FAM53B: variants seen among roughly 807,000 people sequenced by gnomAD.
FAM53B encodes the protein family with sequence similarity 53 member B.
Under a neutral mutation model 32.7 loss-of-function variants are expected in FAM53B, and 12 were observed. That is an observed-to-expected ratio of 0.37 (90% CI 0.24 to 0.59). The LOEUF (loss-of-function observed/expected upper bound fraction) is 0.59. FAM53B is among the 20% of genes least tolerant of loss of function. FAM53B has a pLI of 0.72. For synonymous variants in FAM53B, 234 were observed against 228.7 expected (o/e 1.02, Z -0.21); for missense variants, 477 against 577.7 (o/e 0.83, Z 1.79).
intron 4 of FAM53B, among the ~76,000 whole-genome samples, chr10:124,665,406 C>T (rs1333033283): frequency 6.6e-6 from 1 of 152,238 alleles, no homozygotes; most frequent in African/African-American, 2.4e-5. Flanking sequence ...GTCTCCTCTC[C>T]ACTCCAACTG....
intron 4 of FAM53B, among the ~76,000 whole-genome samples, chr10:124,624,779 G>A (rs1352205309): frequency 7.2e-6 from 1 of 139,216 alleles, no homozygotes; most frequent in Non-Finnish European, 1.7e-5. Flanking sequence ...TCCCAGGGCA[G>A]AGCACAAAAT....
At chr10:124,652,927 G>A (rs1479977689) in intron 4 of FAM53B, among the ~76,000 whole-genome samples, 5 of 152,284 alleles carry the variant, frequency 3.3e-5, no homozygotes, top group South Asian at 2.1e-4. Context: ...GTGTGTGCTC[G>A]ACCAATCAAA....
intron 4 of FAM53B, among the ~76,000 whole-genome samples, chr10:124,629,489 C>CT (rs1949377339): frequency 6.6e-6 from 1 of 152,180 alleles, no homozygotes; most frequent in South Asian, 2.1e-4. Context: ...GGGCCATCAA[C>CT]AAGCCCAACT....
At chr10:124,710,503 G>A (rs189927610) in intron 1 of FAM53B, among the ~76,000 whole-genome samples, 54 of 152,378 alleles carry the variant, frequency 3.5e-4, no homozygotes, top group Admixed American at 3.4e-3. Flanking sequence ...CAACTTCACT[G>A]GGGAATGCCA....
chr10:124,681,466 G>T, intron 4 of FAM53B, 141 bp downstream of exon 4: 1 of 718,270 alleles, frequency 1.4e-6, no homozygotes, highest in South Asian at 2.2e-5. Flanking sequence ...ATCTTTCTTT[G>T]AATAGGATTT....
chr10:124,709,724 T>C (rs1949987149), intron 1 of FAM53B, among the ~76,000 whole-genome samples: 1 of 151,948 alleles, frequency 6.6e-6, no homozygotes, highest in African/African-American at 2.4e-5. Flanking sequence ...AATATTTTAA[T>C]GAGCCAGTTC....
chr10:124,626,967 G>A (rs1314096852), intron 4 of FAM53B, among the ~76,000 whole-genome samples: 1 of 152,216 alleles, frequency 6.6e-6, no homozygotes, highest in Non-Finnish European at 1.5e-5. Context: ...TACAAGGAAG[G>A]GCTGGTGAAT....
At chr10:124,659,971 T>A (rs565748092) in intron 4 of FAM53B, among the ~76,000 whole-genome samples, 1 of 152,242 alleles carries the variant, frequency 6.6e-6, no homozygotes, top group Non-Finnish European at 1.5e-5. Flanking sequence ...CATGCCCAGC[T>A]AATTTTTGTA....
chr10:124,715,958 G>A lies in FAM53B; in HGVS notation c.-174-9071C>T, dbSNP rs148431847. On this transcript the variant is annotated intron_variant, in intron 1 of 4. Coordinates refer to ENST00000337318, the MANE Select transcript of FAM53B (RefSeq NM_014661.4). ...CTCATAAATTGGATAAAAGCATCTC[G>A]TCTTCACAGCTACAGCATTAGCTTC... 3.5e-3 allele frequency among the ~76,000 whole-genome samples: 532 copies of A among 152,324 alleles called. 1 individual carries two copies. Among genetic ancestry groups the A allele is most frequent in the African/African-American group, 0.012 (512 of 41,552 alleles).
intron 1 of FAM53B, among the ~76,000 whole-genome samples, chr10:124,743,559 CA>C (rs1394996901): frequency 6.6e-6 from 1 of 152,208 alleles, no homozygotes; most frequent in Non-Finnish European, 1.5e-5. Flanking sequence ...GAGTTGTCTG[CA>C]AACGATGCGG....
intron 2 of FAM53B, among the ~76,000 whole-genome samples, chr10:124,699,613 G>A (rs1233344891): frequency 6.6e-6 from 1 of 152,270 alleles, no homozygotes; most frequent in African/African-American, 2.4e-5. Flanking sequence ...GCGCAGCCCA[G>A]TGGTGCGGCC....
intron 3 of FAM53B, among the ~76,000 whole-genome samples, chr10:124,688,931 T>C (rs574671136): frequency 6.6e-6 from 1 of 152,356 alleles, no homozygotes; most frequent in African/African-American, 2.4e-5. Context: ...ATGTTTTCGA[T>C]GGTGCCTTAT....
At chr10:124,695,614 T>C (rs561506123) in intron 3 of FAM53B, among the ~76,000 whole-genome samples, 1 of 152,186 alleles carries the variant, frequency 6.6e-6, no homozygotes, top group Non-Finnish European at 1.5e-5. Flanking sequence ...TAGATGTAGT[T>C]ACATCACTAA....
chr10:124,707,285 C>G (rs903050435), intron 1 of FAM53B, among the ~76,000 whole-genome samples: 13 of 152,152 alleles, frequency 8.5e-5, no homozygotes, highest in Non-Finnish European at 5.9e-5. Flanking sequence ...TAAAGTAGGC[C>G]AAGGGTCAGA....
At chr10:124,630,979 C>T (rs1949387293) in intron 4 of FAM53B, among the ~76,000 whole-genome samples, 1 of 152,198 alleles carries the variant, frequency 6.6e-6, no homozygotes, top group African/African-American at 2.4e-5. Flanking sequence ...TATCTTGCCC[C>T]AAATCTGACA....
At chr10:124,743,328 C>T (rs1950211134) in intron 1 of FAM53B, among the ~76,000 whole-genome samples, 1 of 152,238 alleles carries the variant, frequency 6.6e-6, no homozygotes, top group Admixed American at 6.5e-5. Context: ...GACCAGTGTG[C>T]CTGTGCCGGA....
intron 4 of FAM53B, among the ~76,000 whole-genome samples, chr10:124,636,553 T>C (rs1326036252): frequency 6.6e-6 from 1 of 152,146 alleles, no homozygotes; most frequent in Non-Finnish European, 1.5e-5. Context: ...AGGAAAACAC[T>C]GTTTTGCTGT....
rs533521687 is a variant in FAM53B at position 124,646,387 on chromosome 10, T to C, written c.907-22783A>G. On this transcript the variant is annotated intron_variant, in intron 4 of 4. Coordinates refer to ENST00000337318, the MANE Select transcript of FAM53B (RefSeq NM_014661.4). ...ACATCTTCCCCAGGCCTCTAATGCC[T>C]GACAGGAGAGAGGAGGAGAAACGTG... 2.5e-4 allele frequency among the ~76,000 whole-genome samples: 38 copies of C among 152,348 alleles called. 1 individual carries two copies. In the South Asian group the frequency reaches 6.4e-3, roughly 26 times the overall value.
intron 1 of FAM53B, among the ~76,000 whole-genome samples, chr10:124,727,165 A>C (rs1169644252): frequency 6.6e-6 from 1 of 152,036 alleles, no homozygotes; most frequent in Non-Finnish European, 1.5e-5. Flanking sequence ...CCACAGGTGC[A>C]TGCCATAACA....
Sources: gnomAD v4.1 joint callset for allele counts (sites outside exome capture counted in the v4.1 genomes callset) on GRCh38, gnomAD v4.1.1 for gene constraint, MANE v1.5 for transcripts, NCBI Gene and HGNC (gene_info 2026-07-23, HGNC 2026-07-21) for gene names.